Variants in B3GALT1 observed in about 807,000 individuals in gnomAD.
B3GALT1 encodes the protein beta-1,3-galactosyltransferase 1.
A neutral mutation model predicts 23.2 loss-of-function variants in B3GALT1; 10 were observed. That is an observed-to-expected ratio of 0.43 (90% CI 0.27 to 0.73). The LOEUF (loss-of-function observed/expected upper bound fraction) is 0.73. Ranked by LOEUF, B3GALT1 falls within the 30% of genes least tolerant of loss-of-function variation. B3GALT1 has a pLI of 0.21. For synonymous variants in B3GALT1, 156 were observed against 141.5 expected, an observed-to-expected ratio of 1.10 and a Z score of -0.73; for missense variants, 299 against 405.4, an observed-to-expected ratio of 0.74 and a Z score of 2.25.
intron 1 of B3GALT1, among the ~76,000 whole-genome samples, chr2:167,402,436 A>G (rs1424339461): frequency 6.6e-6 from 1 of 152,094 alleles, no homozygotes; most frequent in Non-Finnish European, 1.5e-5. Context: ...AATTCTGAAA[A>G]ACTACTCTCT....
intron 4 of B3GALT1, among the ~76,000 whole-genome samples, chr2:167,849,094 C>T (rs1333587567): frequency 2.0e-5 from 3 of 152,086 alleles, no homozygotes; most frequent in Admixed American, 1.3e-4. Context: ...CACAAACAAA[C>T]GGAAACATAT....
At chr2:167,523,935 G>T (rs559773322) in intron 2 of B3GALT1, among the ~76,000 whole-genome samples, 5 of 152,036 alleles carry the variant, frequency 3.3e-5, no homozygotes, top group Admixed American at 2.0e-4. Flanking sequence ...AGTATTGCTG[G>T]ATATTTAGCA....
intron 2 of B3GALT1, among the ~76,000 whole-genome samples, chr2:167,628,296 G>C (rs1685379712): frequency 6.6e-6 from 1 of 151,502 alleles, no homozygotes; most frequent in Non-Finnish European, 1.5e-5. Flanking sequence ...TATACATTAT[G>C]CTTTCACTTT....
intron 3 of B3GALT1, among the ~76,000 whole-genome samples, chr2:167,695,631 G>T (rs1314052390): frequency 6.6e-6 from 1 of 151,970 alleles, no homozygotes. Flanking sequence ...TTTTATTACT[G>T]CTTCTGCCTT....
chr2:167,826,344 G>A (rs958306667), intron 4 of B3GALT1, among the ~76,000 whole-genome samples: 1 of 152,142 alleles, frequency 6.6e-6, no homozygotes, highest in Non-Finnish European at 1.5e-5. Context: ...GAAGGACAGG[G>A]ACCAGTGTCA....
At chr2:167,736,704 C>T (rs969554488) in intron 3 of B3GALT1, among the ~76,000 whole-genome samples, 4 of 151,960 alleles carry the variant, frequency 2.6e-5, no homozygotes, top group Admixed American at 6.6e-5. Flanking sequence ...GAGTTTGAGA[C>T]CAACCTGGCC....
intron 1 of B3GALT1, among the ~76,000 whole-genome samples, chr2:167,406,901 T>A (rs534873487): frequency 5.7e-4 from 87 of 152,302 alleles, no homozygotes; most frequent in African/African-American, 2.0e-3. Flanking sequence ...TTCAGTAATT[T>A]ACTAGTGCTG....
At chr2:167,396,357 T>G (rs957917961) in intron 1 of B3GALT1, among the ~76,000 whole-genome samples, 2 of 151,958 alleles carry the variant, frequency 1.3e-5, no homozygotes, top group Admixed American at 6.6e-5. Flanking sequence ...GTCCTCTATG[T>G]GTAGGAATGC....
At chr2:167,309,128 G>T (rs1696597847) in intron 1 of B3GALT1, among the ~76,000 whole-genome samples, 1 of 151,976 alleles carries the variant, frequency 6.6e-6, no homozygotes, top group Non-Finnish European at 1.5e-5. Context: ...ACTTGTCATA[G>T]CTCATAATTG....
At chr2:167,464,359 C>A (rs956036935) in intron 1 of B3GALT1, among the ~76,000 whole-genome samples, 6 of 152,070 alleles carry the variant, frequency 3.9e-5, no homozygotes, top group African/African-American at 1.5e-4. Flanking sequence ...ATTGAGTTTA[C>A]CCTATTTTAA....
intron 4 of B3GALT1, among the ~76,000 whole-genome samples, chr2:167,859,670 A>G (rs1055369802): frequency 1.3e-5 from 2 of 152,252 alleles, no homozygotes; most frequent in Non-Finnish European, 2.9e-5. Context: ...CTGCCAAGTC[A>G]TGATGAATAT....
chr2:167,375,677 T>C (rs1357580951), intron 1 of B3GALT1, among the ~76,000 whole-genome samples: 3 of 152,184 alleles, frequency 2.0e-5, no homozygotes, highest in African/African-American at 7.2e-5. Context: ...CTGATTTTTG[T>C]ACATAGATTT....
chr2:167,330,119 T>C (rs1696950448), intron 1 of B3GALT1, among the ~76,000 whole-genome samples: 1 of 151,692 alleles, frequency 6.6e-6, no homozygotes, highest in African/African-American at 2.4e-5. Flanking sequence ...TCTAACCCTT[T>C]CATTCCTTCT....
At chr2:167,302,708 T>TA (rs1696470000) in intron 1 of B3GALT1, among the ~76,000 whole-genome samples, 1 of 152,194 alleles carries the variant, frequency 6.6e-6, no homozygotes, top group Non-Finnish European at 1.5e-5. Flanking sequence ...TGTCCTAATT[T>TA]GTATTAACTC....
intron 2 of B3GALT1, among the ~76,000 whole-genome samples, chr2:167,560,893 T>C (rs1574137793): frequency 1.3e-5 from 2 of 151,758 alleles, no homozygotes; most frequent in Admixed American, 1.3e-4. Context: ...ATTAGACAGA[T>C]CAACGAGACA....
chr2:167,305,466 A>G (rs1459925695), intron 1 of B3GALT1, among the ~76,000 whole-genome samples: 1 of 152,144 alleles, frequency 6.6e-6, no homozygotes, highest in East Asian at 1.9e-4. Context: ...TGTGCATATT[A>G]TTTCACACGT....
rs115907639 is a variant in B3GALT1 at position 167,418,026 on chromosome 2, A to C, written c.-510-72151A>C. Among the ~76,000 whole-genome samples the C allele has an allele frequency of 8.0e-3, 1,215 of 152,348 alleles. 21 individuals are homozygous for C. The highest frequency in any genetic ancestry group is 0.028 in the African/African-American group (1,168 of 41,578). On this transcript the variant is annotated intron_variant, in intron 1 of 4. Coordinates refer to ENST00000392690, the MANE Select transcript of B3GALT1 (RefSeq NM_020981.4). The stretch of plus-strand genomic sequence containing the variant: ...AGCTTAGAAGAGTTTCTTAGCCCTT[A>C]AAAATGGCAGACTTTGGTCATAGTT...
chr2:167,426,487 G>A (rs1278344155), intron 1 of B3GALT1, among the ~76,000 whole-genome samples: 2 of 151,890 alleles, frequency 1.3e-5, no homozygotes, highest in African/African-American at 4.8e-5. Flanking sequence ...GTTTTGAGGA[G>A]GCTGTTCTCA....
intron 1 of B3GALT1, among the ~76,000 whole-genome samples, chr2:167,423,481 C>A (rs1175203295): frequency 1.3e-5 from 2 of 152,144 alleles, no homozygotes; most frequent in Non-Finnish European, 2.9e-5. Flanking sequence ...AAACCAGTTA[C>A]CAATACCAAA....
Sources: allele counts gnomAD v4.1 joint callset (sites outside exome capture counted in the v4.1 genomes callset), GRCh38; gene constraint gnomAD v4.1.1; transcripts MANE v1.5; gene names NCBI Gene and HGNC (gene_info 2026-07-23, HGNC 2026-07-21).